The following SAP130 variants were observed in gnomAD, a reference collection of about 807,000 sequenced individuals.
SAP130 encodes the protein histone deacetylase complex subunit SAP130.
SAP130 carries 16 observed loss-of-function variants against 103.2 expected under a neutral mutation model. That is an observed-to-expected ratio of 0.16 (90% CI 0.10 to 0.24). The LOEUF (loss-of-function observed/expected upper bound fraction) is 0.24, where lower values mean the gene tolerates loss of function less well. Ranked by LOEUF, SAP130 falls within the 10% of genes least tolerant of loss-of-function variation. The probability of loss-of-function intolerance (pLI) is 1.00; values close to 1 mark genes in which losing one functional copy is unlikely to be tolerated. For missense variants in SAP130, 990 were observed against 1,359.7 expected, an observed-to-expected ratio of 0.73 and a Z score of 4.28; for synonymous variants, 477 against 497.0, an observed-to-expected ratio of 0.96 and a Z score of 0.53.
At chr2:127,960,802 ATACT>A (rs1177893318) in intron 15 of SAP130, among the ~76,000 whole-genome samples, 4 of 152,182 alleles carry the variant, frequency 2.6e-5, no homozygotes, top group Non-Finnish European at 5.9e-5. Context: ...TATTTTGTGC[ATACT>A]TAAAAATGCA....
chr2:127,978,440 G>A (rs1196111928), intron 14 of SAP130, among the ~76,000 whole-genome samples: 4 of 152,106 alleles, frequency 2.6e-5, no homozygotes, highest in African/African-American at 7.2e-5. Context: ...CATATTAAGT[G>A]TTTACAATTA....
chr2:128,019,564 C>T (rs1395316633), intron 2 of SAP130, among the ~76,000 whole-genome samples: 1 of 152,154 alleles, frequency 6.6e-6, no homozygotes, highest in Non-Finnish European at 1.5e-5. Flanking sequence ...GCCACTGCAC[C>T]TGGCCTATTT....
chr2:127,982,352 AGAG>A (rs943257995), intron 14 of SAP130, among the ~76,000 whole-genome samples: 6 of 152,176 alleles, frequency 3.9e-5, no homozygotes, highest in African/African-American at 1.4e-4. Context: ...AATAGACAAG[AGAG>A]GAGGAGACAG....
In SAP130 at chr2:127,986,944, C is replaced by T. The variant is rs1682446774; in HGVS notation, c.1799G>A (p.Gly600Glu). ...AATAGGGTTGGCCACAATTGTGGCTCCATCTGCCAACACCACTGCTACAGG... is the reference window on the plus strand; with the variant it reads ...AATAGGGTTGGCCACAATTGTGGCTTCATCTGCCAACACCACTGCTACAGG... ...GKTSAVVLADGATIVANPISN... is the reference protein window; with the variant it reads ...GKTSAVVLADEATIVANPISN... Residue 600 changes from glycine to glutamate, a missense_variant, in exon 14 of 21, where the codon GGA (glycine) becomes GAA (glutamate). Physicochemically the swap from Gly to Glu is moderately conservative, Grantham distance 98. Around this residue, in one of 6 missense-constraint regions of SAP130, gnomAD observed 349 missense variants for 384.1 expected, o/e 0.91. Coordinates refer to ENST00000643581, the MANE Select transcript of SAP130 (RefSeq NM_001330301.2). The surrounding 1 kb of genome is among the most constrained non-coding windows in gnomAD (Gnocchi z 4.7). The T allele has an allele frequency of 6.2e-7, 1 of 1,612,812 alleles. No individual in the cohort carries two copies. Among genetic ancestry groups the T allele is most frequent in the African/African-American group, 1.3e-5 (1 of 74,864 alleles).
At chr2:128,006,100 A>G (rs78598637) in intron 7 of SAP130, among the ~76,000 whole-genome samples, 2 of 152,304 alleles carry the variant, frequency 1.3e-5, no homozygotes, top group South Asian at 4.1e-4. Flanking sequence ...AAAAAAAAAA[A>G]ACAGACTCCA....
At chr2:128,009,306 C>A (rs183272174) in intron 7 of SAP130, among the ~76,000 whole-genome samples, 2 of 151,948 alleles carry the variant, frequency 1.3e-5, no homozygotes, top group Non-Finnish European at 2.9e-5. Context: ...CCTGTCTCTA[C>A]AAGAAAATAA....
chr2:127,946,597 T>C (rs981565091), intron 18 of SAP130, among the ~76,000 whole-genome samples: 1 of 151,818 alleles, frequency 6.6e-6, no homozygotes, highest in African/African-American at 2.4e-5. Flanking sequence ...TAGAATGTAA[T>C]GTAGTCTGAC....
intron 15 of SAP130, among the ~76,000 whole-genome samples, chr2:127,956,138 G>C (rs1338784669): frequency 1.3e-5 from 2 of 151,620 alleles, no homozygotes; most frequent in Non-Finnish European, 2.9e-5. Context: ...CTGTATAAAT[G>C]GAATTTCCAT....
intron 1 of SAP130, chr2:128,027,029 G>T (rs1573875724): frequency 7.5e-7 from 1 of 1,332,248 alleles, no homozygotes; most frequent in East Asian, 2.8e-5. Context: ...CCCGTCTCCG[G>T]GGTGGGGGTG....
chr2:128,026,162 A>G lies in SAP130; in HGVS notation c.112+19T>C. 6.7e-7 allele frequency: 1 copy of G among 1,490,952 alleles called. No individual in the cohort carries two copies. The highest frequency in any genetic ancestry group is 9.2e-7 in the Non-Finnish European group (1 of 1,081,426). 92.4% of individuals were successfully genotyped at this position (1,490,952 alleles called of 1,614,324 possible). Reference sequence around the variant, plus strand: ...TTCTTAAAGTAGGAAAAAATATATTAGAATATTACATATCTCACCTGTAGC... The same window carrying G: ...TTCTTAAAGTAGGAAAAAATATATTGGAATATTACATATCTCACCTGTAGC... On this transcript the variant is annotated intron_variant, in intron 2 of 20. Coordinates refer to ENST00000643581, the MANE Select transcript of SAP130 (RefSeq NM_001330301.2).
intron 4 of SAP130, 35 bp from the exon 5 acceptor site, chr2:128,014,949 G>A: frequency 6.3e-7 from 1 of 1,576,978 alleles, no homozygotes. Context: ...ATTTTTACAT[G>A]TTTGCTCTTA....
chr2:128,008,343 C>T (rs1040658527), intron 7 of SAP130, among the ~76,000 whole-genome samples: 17 of 152,188 alleles, frequency 1.1e-4, no homozygotes, highest in Admixed American at 2.0e-4. Context: ...ACACTTTATC[C>T]CTGTATGGCT....
intron 9 of SAP130, 29 bp downstream of exon 9, chr2:128,000,027 T>G (rs199689774): frequency 6.2e-7 from 1 of 1,600,628 alleles, no homozygotes; most frequent in African/African-American, 1.3e-5. Flanking sequence ...TTTTCCCCAG[T>G]AGAAGGAAGA....
At chr2:127,975,238 G>C (rs1403474186) in intron 15 of SAP130, among the ~76,000 whole-genome samples, 1 of 152,214 alleles carries the variant, frequency 6.6e-6, no homozygotes, top group African/African-American at 2.4e-5. Context: ...TGGCATCCTA[G>C]TGATAAACCA....
Position 128,014,860 on chromosome 2 carries a change from T to C in SAP130, c.562A>G (p.Ile188Val). 4 of 1,614,198 alleles carry C rather than the reference T, an allele frequency of 2.5e-6. No individual in the cohort carries two copies. The highest frequency in any genetic ancestry group is 3.4e-6 in the Non-Finnish European group (4 of 1,180,026). ...IMTTNVQMSI[I>V]RSNAPGPPLH... ...GGGGGCCCAGGAGCATTGCTGCGGA[T>C]GATAGACATTTGCACATTTGTAGTC... is the stretch of plus-strand genomic sequence containing the variant. The change falls in exon 5 of 21, where the codon ATC (isoleucine) becomes GTC (valine). Residue 188 changes from isoleucine to valine, a missense_variant. Ile to Val is a conservative substitution (Grantham distance 29). Around this residue, in one of 6 missense-constraint regions of SAP130, gnomAD observed 336 missense variants for 520.1 expected, o/e 0.65. Coordinates refer to ENST00000643581, the MANE Select transcript of SAP130 (RefSeq NM_001330301.2).
chr2:128,025,388 G>T (rs1685434329), intron 2 of SAP130, among the ~76,000 whole-genome samples: 1 of 152,104 alleles, frequency 6.6e-6, no homozygotes, highest in Non-Finnish European at 1.5e-5. Context: ...CTGTCACTGA[G>T]AACCACTAAT....
intron 15 of SAP130, among the ~76,000 whole-genome samples, chr2:127,967,628 C>A (rs1220046592): frequency 6.6e-6 from 1 of 152,200 alleles, no homozygotes; most frequent in Non-Finnish European, 1.5e-5. Flanking sequence ...GAACTCCTGA[C>A]CTTGTGATCC....
chr2:127,999,943 G>C (rs1026231815), intron 9 of SAP130, 98 bp from the exon 10 acceptor site: 3 of 1,437,012 alleles, frequency 2.1e-6, no homozygotes, highest in Non-Finnish European at 2.9e-6. Context: ...AAAGTTAAGA[G>C]AATTTTTCTA....
At chr2:127,978,613 A>G (rs771712567) in intron 14 of SAP130, among the ~76,000 whole-genome samples, 9 of 152,184 alleles carry the variant, frequency 5.9e-5, no homozygotes, top group African/African-American at 9.7e-5. Context: ...CAATCTTGAC[A>G]TGTTTAGTTT....
Sources: gnomAD v4.1 joint callset for allele counts (sites outside exome capture counted in the v4.1 genomes callset) on GRCh38, gnomAD v4.1.1 for gene constraint, gnomAD v4.1.1 regional missense constraint, Gnocchi (gnomAD v3.1) non-coding constraint, MANE v1.5 for transcripts, NCBI Gene and HGNC (gene_info 2026-07-23, HGNC 2026-07-21) for gene names.